Variants in ZC3H6 observed in about 807,000 individuals in gnomAD.
ZC3H6 encodes the protein zinc finger CCCH-type containing 6.
In ZC3H6, 40 loss-of-function variants were observed where a neutral mutation model predicts 107.7. The observed-to-expected ratio is 0.37, with a 90% CI of 0.29 to 0.48. The LOEUF (loss-of-function observed/expected upper bound fraction) is 0.48. ZC3H6 is among the 20% of genes least tolerant of loss of function. The pLI is 0.98. For missense variants in ZC3H6, 1,267 were observed against 1,410.4 expected, an observed-to-expected ratio of 0.90 and a Z score of 1.63; for synonymous variants, 493 against 487.9, an observed-to-expected ratio of 1.01 and a Z score of -0.14.
intron 5 of ZC3H6, chr2:112,312,215 T>C (rs1351126763): frequency 7.7e-6 from 2 of 259,708 alleles, no homozygotes; most frequent in African/African-American, 4.5e-5. Flanking sequence ...TCTATTAGTC[T>C]TCTTTTGTGC....
chr2:112,311,968 G>T, intron 5 of ZC3H6, 31 bp downstream of exon 5: 2 of 1,535,032 alleles, frequency 1.3e-6, no homozygotes, highest in Non-Finnish European at 1.8e-6. Context: ...AGGAGGGGAG[G>T]AGCTTTTTCA....
At chr2:112,303,200 T>G (rs776349383) in intron 2 of ZC3H6, 29 bp from the exon 3 acceptor site, 1 of 1,587,600 alleles carries the variant, frequency 6.3e-7, no homozygotes, top group Non-Finnish European at 8.5e-7. Context: ...TTTGCAAATG[T>G]AACATATTTG....
At chr2:112,315,382 A>G (rs75113750) in intron 5 of ZC3H6, among the ~76,000 whole-genome samples, 2,505 of 152,242 alleles carry the variant, frequency 0.016, 69 homozygotes, top group African/African-American at 0.057. Flanking sequence ...AGTTAAAAGT[A>G]ATACACGCCG....
chr2:112,289,053 CTTT>C (rs1368350010), intron 1 of ZC3H6, among the ~76,000 whole-genome samples: 2 of 77,748 alleles, frequency 2.6e-5, no homozygotes, highest in African/African-American at 8.7e-5. Context: ...TCTTTTTTTT[CTTT>C]TTTTTCTTTT....
chr2:112,304,720 G>A (rs929498442), intron 3 of ZC3H6, among the ~76,000 whole-genome samples: 26 of 152,158 alleles, frequency 1.7e-4, no homozygotes, highest in Non-Finnish European at 5.9e-5. Flanking sequence ...TTGGATCAGT[G>A]TGCACTTATC....
At chr2:112,310,457 T>C (rs1676573217) in intron 4 of ZC3H6, among the ~76,000 whole-genome samples, 2 of 152,232 alleles carry the variant, frequency 1.3e-5, no homozygotes, top group East Asian at 1.9e-4. Flanking sequence ...TATACAGTTA[T>C]CTCTGTTGCT....
Position 112,332,071 on chromosome 2 carries a change from T to C in ZC3H6, c.3153T>C (p.Pro1051=), listed in dbSNP as rs1210714900. The C allele has an allele frequency of 1.2e-6, 2 of 1,613,880 alleles. No individual in the cohort carries two copies. The highest frequency in any genetic ancestry group is 3.3e-5 in the Admixed American group (2 of 60,004). Residue 1051 remains proline (P), a synonymous_variant, in exon 12 of 12, where the codon CCT becomes CCC. Transcript: ENST00000409871. The part of the protein sequence containing the change: ...SVLSGISLYD[P]RDHGSSSTSE... ...TTAGTGGTATTAGTTTGTATGACCC[T>C]AGGGATCACGGTTCATCATCCACAT...
At chr2:112,285,947 C>T (rs923598465) in intron 1 of ZC3H6, 23 of 182,900 alleles carry the variant, frequency 1.3e-4, no homozygotes, top group African/African-American at 5.1e-4. Context: ...GGCGACAGAG[C>T]GAGTCTCCGT....
chr2:112,305,274 T>G (rs190605402), intron 3 of ZC3H6, among the ~76,000 whole-genome samples: 14 of 152,304 alleles, frequency 9.2e-5, no homozygotes, highest in Admixed American at 8.5e-4. Context: ...AAATATCAAG[T>G]AATGAGACAG....
chr2:112,328,765 C>A (rs1676960237), intron 11 of ZC3H6, among the ~76,000 whole-genome samples: 1 of 151,926 alleles, frequency 6.6e-6, no homozygotes, highest in Non-Finnish European at 1.5e-5. Flanking sequence ...ATGGTGAAAC[C>A]TTGTCTCTAC....
chr2:112,317,910 T>G (rs957317660), intron 7 of ZC3H6, among the ~76,000 whole-genome samples: 1 of 152,218 alleles, frequency 6.6e-6, no homozygotes, highest in African/African-American at 2.4e-5. Context: ...CTACGACTTA[T>G]GACTAATGAA....
At chr2:112,287,762 C>T (rs1217075581) in intron 1 of ZC3H6, among the ~76,000 whole-genome samples, 14 of 152,286 alleles carry the variant, frequency 9.2e-5, no homozygotes, top group Non-Finnish European at 1.6e-4. Flanking sequence ...CCACCACGCC[C>T]GGCTAATTTT....
At chr2:112,323,581 T>C (rs912574295) in intron 9 of ZC3H6, among the ~76,000 whole-genome samples, 6 of 152,218 alleles carry the variant, frequency 3.9e-5, no homozygotes, top group South Asian at 2.1e-4. Context: ...ATAAAAGTTA[T>C]AAAGATTAGA....
intron 4 of ZC3H6, 64 bp downstream of exon 4, chr2:112,310,225 G>A: frequency 6.7e-7 from 1 of 1,485,348 alleles, no homozygotes; most frequent in Non-Finnish European, 9.0e-7. Context: ...CAGCTATGGA[G>A]TAAAAACTTA....
intron 3 of ZC3H6, among the ~76,000 whole-genome samples, chr2:112,304,768 A>G (rs1341693204): frequency 6.6e-6 from 1 of 152,198 alleles, no homozygotes; most frequent in Non-Finnish European, 1.5e-5. Flanking sequence ...CGTTTTTGCC[A>G]GTCTCACTGT....
At chr2:112,321,017 A>G (rs1315516372) in intron 7 of ZC3H6, among the ~76,000 whole-genome samples, 2 of 152,096 alleles carry the variant, frequency 1.3e-5, no homozygotes, top group African/African-American at 4.8e-5. Context: ...TGCCTTTTGC[A>G]TCTGCCAAAA....
rs529785272 is a variant in ZC3H6 at position 112,280,132 on chromosome 2, A to G, written c.32+4106A>G. ...ATTTTCAATTTTCCTTCCCACTTAA[A>G]TCAATTTTAATTAAAAAAATTGCAG... is the stretch of plus-strand genomic sequence containing the variant. On this transcript the variant is annotated intron_variant, in intron 1 of 11. Transcript: ENST00000409871. Among the ~76,000 whole-genome samples, 46 of 152,276 alleles carry G rather than the reference A, an allele frequency of 3.0e-4. No homozygotes were observed. The East Asian group carries it at 7.9e-3, about 26-fold the overall frequency.
rs1247920136 is a variant in ZC3H6 at position 112,325,534 on chromosome 2, GTGAT to G, written c.2086+344_2086+347del. On this transcript the variant is annotated intron_variant, in intron 11 of 11. Coordinates refer to ENST00000409871, the MANE Select transcript of ZC3H6 (RefSeq NM_198581.3). ...CAATGTATTTCATAGCCACTATCTT[GTGAT>G]TGATTGTGGTTTCAGTGCCATTAAT... 2.6e-5 allele frequency among the ~76,000 whole-genome samples: 4 copies of G among 152,074 alleles called. No individual in the cohort carries two copies. The East Asian group carries it at 7.7e-4, about 29-fold the overall frequency.
intron 3 of ZC3H6, among the ~76,000 whole-genome samples, chr2:112,305,185 A>G (rs576023056): frequency 1.3e-5 from 2 of 152,216 alleles, no homozygotes; most frequent in African/African-American, 2.4e-5. Context: ...GAAATATTCA[A>G]AAGTCATTTG....
Sources: allele counts gnomAD v4.1 joint callset (sites outside exome capture counted in the v4.1 genomes callset), GRCh38; gene constraint gnomAD v4.1.1; transcripts MANE v1.5; gene names NCBI Gene and HGNC (gene_info 2026-07-23, HGNC 2026-07-21).